The following DOCK5 variants were observed in gnomAD, a reference collection of about 807,000 sequenced individuals.
The protein encoded by DOCK5 is dedicator of cytokinesis 5.
A neutral mutation model predicts 251.8 loss-of-function variants in DOCK5; 142 were observed. The observed-to-expected ratio is 0.56, with a 90% CI of 0.49 to 0.65. The LOEUF is 0.65. Among genes scored for constraint, DOCK5 ranks in the 30% least tolerant of loss-of-function variants. DOCK5 has a pLI of 0.00. For synonymous variants in DOCK5, 842 were observed against 835.5 expected (o/e 1.01, Z -0.13); for missense variants, 2,111 against 2,312.3 (o/e 0.91, Z 1.79).
chr8:25,341,936 C>T (rs926908641), intron 24 of DOCK5, 127 bp downstream of exon 24: 2 of 759,582 alleles, frequency 2.6e-6, no homozygotes, highest in African/African-American at 1.8e-5. Context: ...CCTTTTTGTG[C>T]TCAGTTCTGT....
chr8:25,355,063 GTC>G (rs767079252), intron 27 of DOCK5, among the ~76,000 whole-genome samples: 1 of 152,092 alleles, frequency 6.6e-6, no homozygotes, highest in Non-Finnish European at 1.5e-5. Flanking sequence ...GCAAGACCCT[GTC>G]TCTACAAAAA....
intron 48 of DOCK5, among the ~76,000 whole-genome samples, chr8:25,406,148 T>A (rs1489171617): frequency 2.0e-5 from 3 of 152,054 alleles, no homozygotes; most frequent in Admixed American, 6.6e-5. Flanking sequence ...TTAGTAGAGA[T>A]GGGGTTTCAC....
chr8:25,236,760 G>GT (rs111913006), intron 1 of DOCK5, among the ~76,000 whole-genome samples: 1,509 of 146,946 alleles, frequency 0.01, 19 homozygotes, highest in African/African-American at 0.032. Context: ...TTTTTGTGTG[G>GT]TTTTTTTTTT....
At chr8:25,280,968 A>C (rs998677406) in intron 5 of DOCK5, among the ~76,000 whole-genome samples, 5 of 151,544 alleles carry the variant, frequency 3.3e-5, no homozygotes, top group African/African-American at 1.2e-4. Flanking sequence ...GTATTGGGAA[A>C]GGAGTTTTTT....
intron 40 of DOCK5, 64 bp downstream of exon 40, chr8:25,382,842 A>G: frequency 7.3e-7 from 1 of 1,368,134 alleles, no homozygotes; most frequent in Admixed American, 2.1e-5. Flanking sequence ...TTTCTTTTCC[A>G]GATGGGCAAC....
intron 2 of DOCK5, among the ~76,000 whole-genome samples, chr8:25,252,188 T>G (rs1434180422): frequency 9.2e-5 from 14 of 152,156 alleles, no homozygotes; most frequent in Non-Finnish European, 1.6e-4. Flanking sequence ...CTGAAATCTC[T>G]TTATTGTTCC....
At chr8:25,347,699 A>G (rs1444052503) in intron 26 of DOCK5, among the ~76,000 whole-genome samples, 1 of 152,174 alleles carries the variant, frequency 6.6e-6, no homozygotes, top group Non-Finnish European at 1.5e-5. Context: ...TTAATGTAAA[A>G]CACAAGAATC....
intron 9 of DOCK5, among the ~76,000 whole-genome samples, chr8:25,301,658 C>T (rs1015424788): frequency 8.0e-5 from 12 of 149,598 alleles, no homozygotes; most frequent in Non-Finnish European, 1.6e-4. Flanking sequence ...TGAGCCTAGA[C>T]GTTCAAGGCC....
At chr8:25,187,132 T>C (rs371785473) in intron 1 of DOCK5, among the ~76,000 whole-genome samples, 4 of 150,704 alleles carry the variant, frequency 2.7e-5, no homozygotes, top group African/African-American at 9.8e-5. Flanking sequence ...GCCTGGGAGG[T>C]TGAGGGTGCA....
intron 27 of DOCK5, among the ~76,000 whole-genome samples, chr8:25,352,186 C>T (rs2117250878): frequency 7.8e-6 from 1 of 127,992 alleles, no homozygotes; most frequent in African/African-American, 2.9e-5. Flanking sequence ...GCATCCTAGC[C>T]TGGACAACAG....
intron 27 of DOCK5, among the ~76,000 whole-genome samples, chr8:25,358,395 C>T (rs141724296): frequency 6.6e-6 from 1 of 152,296 alleles, no homozygotes; most frequent in African/African-American, 2.4e-5. Flanking sequence ...ATTAAATTAC[C>T]TCCCACTGGG....
intron 2 of DOCK5, among the ~76,000 whole-genome samples, chr8:25,260,023 G>T (rs1803531330): frequency 6.6e-6 from 1 of 152,218 alleles, no homozygotes; most frequent in African/African-American, 2.4e-5. Context: ...AAGGCGGTGA[G>T]TGTGCTGTGC....
intron 1 of DOCK5, among the ~76,000 whole-genome samples, chr8:25,198,473 G>A (rs1041254223): frequency 6.6e-6 from 1 of 151,976 alleles, no homozygotes; most frequent in African/African-American, 2.4e-5. Flanking sequence ...GCAGGAGGCT[G>A]AAGCACAAAA....
chr8:25,263,888 A>G (rs1803661850), intron 2 of DOCK5, among the ~76,000 whole-genome samples: 1 of 151,892 alleles, frequency 6.6e-6, no homozygotes, highest in Non-Finnish European at 1.5e-5. Flanking sequence ...GGCAGGATCC[A>G]TCTCCTGATT....
chr8:25,363,167 A>C (rs1445078263), intron 29 of DOCK5, 26 bp downstream of exon 29: 14 of 1,600,594 alleles, frequency 8.7e-6, no homozygotes, highest in Non-Finnish European at 1.1e-5. Flanking sequence ...GCTGGCCCTG[A>C]GGCATTTGTC....
intron 35 of DOCK5, 148 bp downstream of exon 35, chr8:25,372,866 C>A (rs1800898981): frequency 2.8e-6 from 2 of 705,028 alleles, no homozygotes. Context: ...ATTGGAATGG[C>A]TGGCTCAGCT....
At chr8:25,403,453 A>G in intron 47 of DOCK5, 105 bp from the exon 48 acceptor site, 1 of 1,215,180 alleles carries the variant, frequency 8.2e-7, no homozygotes, top group Non-Finnish European at 1.2e-6. Context: ...CCACATAACC[A>G]GTACAGATGG....
At chr8:25,334,273 A>G (rs1805747633) in intron 21 of DOCK5, 77 bp downstream of exon 21, 2 of 1,187,160 alleles carry the variant, frequency 1.7e-6, no homozygotes, top group Admixed American at 3.4e-5. Context: ...TTGAGAAACG[A>G]GACGGACCTA....
intron 3 of DOCK5, chr8:25,270,728 C>A: frequency 1.5e-6 from 1 of 684,972 alleles, no homozygotes; most frequent in South Asian, 1.6e-5. Flanking sequence ...TTGAACATGG[C>A]AGACCTTGCT....
Sources: allele counts gnomAD v4.1 joint callset (sites outside exome capture counted in the v4.1 genomes callset), GRCh38; gene constraint gnomAD v4.1.1; transcripts MANE v1.5; gene names NCBI Gene and HGNC (gene_info 2026-07-23, HGNC 2026-07-21).